RRP15: variants seen among roughly 807,000 people sequenced by gnomAD.
RRP15 encodes ribosomal RNA processing 15 homolog, also known as RRP15-like protein.
A neutral mutation model predicts 27.1 loss-of-function variants in RRP15; 18 were observed. That is an observed-to-expected ratio of 0.66 (90% CI 0.46 to 0.98). The LOEUF (loss-of-function observed/expected upper bound fraction) is 0.98. Ranked by LOEUF, RRP15 falls within the 50% of genes least tolerant of loss-of-function variation. The pLI is 0.00. For synonymous variants in RRP15, 107 were observed against 109.4 expected (o/e 0.98, Z 0.14); for missense variants, 359 against 337.8 (o/e 1.06, Z -0.49).
intron 1 of RRP15, among the ~76,000 whole-genome samples, chr1:218,295,312 C>CG (rs1467210337): frequency 2.0e-5 from 3 of 151,964 alleles, no homozygotes; most frequent in Non-Finnish European, 2.9e-5. Flanking sequence ...GGACAGGGTG[C>CG]GGGGGAAGCG....
chr1:218,316,842 T>C (rs941139696), intron 4 of RRP15, among the ~76,000 whole-genome samples: 19 of 152,242 alleles, frequency 1.2e-4, no homozygotes, highest in Non-Finnish European at 2.6e-4. Context: ...GGGGAACTCT[T>C]ACTACTTTTT....
chr1:218,298,982 C>T (rs1246315538), intron 1 of RRP15, among the ~76,000 whole-genome samples: 3 of 152,138 alleles, frequency 2.0e-5, no homozygotes, highest in Non-Finnish European at 4.4e-5. Flanking sequence ...TGGTGATTTC[C>T]GTCTATGCCC....
chr1:218,291,617 C>T (rs1484991978), intron 1 of RRP15, among the ~76,000 whole-genome samples: 2 of 149,246 alleles, frequency 1.3e-5, no homozygotes, highest in African/African-American at 2.5e-5. Flanking sequence ...CCACAACCTC[C>T]GCCTCCCAGG....
At chr1:218,327,602 C>T (rs1656294706) in intron 4 of RRP15, among the ~76,000 whole-genome samples, 1 of 152,164 alleles carries the variant, frequency 6.6e-6, no homozygotes, top group African/African-American at 2.4e-5. Flanking sequence ...CCACGCCTGG[C>T]CTTAAACAAG....
chr1:218,313,577 G>T (rs1656035760), intron 4 of RRP15, among the ~76,000 whole-genome samples: 1 of 152,178 alleles, frequency 6.6e-6, no homozygotes, highest in Admixed American at 6.5e-5. Flanking sequence ...TGACAGTAAA[G>T]ATCAGGTTAA....
At position 218,334,617 on chromosome 1, in the gene RRP15, AG is replaced by A. The variant is rs1296680364; in HGVS notation, c.*3527del. On this transcript the variant is annotated 3_prime_UTR_variant, in exon 5 of 5. Transcript: ENST00000366932. ...GTTTTTATTTGGAAACATTTTTTCC[AG>A]TTGACCAAAGCAGAATTCATTCTGT... The A allele has an allele frequency of 6.6e-6, 1 of 152,228 alleles. No homozygotes were observed. Among genetic ancestry groups the A allele is most frequent in the African/African-American group, 2.4e-5 (1 of 41,462 alleles). 9.4% of individuals were successfully genotyped at this position (152,228 alleles called of 1,614,324 possible). A position where few individuals can be genotyped will look rare whatever the true frequency, so the allele number is the denominator to read the frequency against.
chr1:218,297,560 A>G (rs186333299), intron 1 of RRP15, among the ~76,000 whole-genome samples: 1 of 152,302 alleles, frequency 6.6e-6, no homozygotes, highest in East Asian at 1.9e-4. Context: ...AGCCACTTAG[A>G]TTAGTGTGTG....
intron 4 of RRP15, among the ~76,000 whole-genome samples, chr1:218,316,443 G>A (rs1656091029): frequency 6.6e-6 from 1 of 152,030 alleles, no homozygotes; most frequent in Non-Finnish European, 1.5e-5. Context: ...CACCTATAAT[G>A]CATTTTTAAA....
intron 1 of RRP15, chr1:218,301,890 A>G (rs1358284197): frequency 1.3e-5 from 2 of 159,336 alleles, no homozygotes; most frequent in South Asian, 2.0e-4. Context: ...GTTTTCTGTT[A>G]TTTGTTTTAA....
At chr1:218,329,184 T>G (rs1656325296) in intron 4 of RRP15, among the ~76,000 whole-genome samples, 1 of 134,710 alleles carries the variant, frequency 7.4e-6, no homozygotes, top group Non-Finnish European at 1.5e-5. Context: ...GTGGATTGCT[T>G]GAGCCCAGGA....
chr1:218,321,322 T>C (rs1571807083), intron 4 of RRP15, among the ~76,000 whole-genome samples: 1 of 152,264 alleles, frequency 6.6e-6, no homozygotes, highest in Non-Finnish European at 1.5e-5. Context: ...TCATTTGATA[T>C]AAGCAGAAAG....
At chr1:218,320,368 T>A (rs1248034213) in intron 4 of RRP15, among the ~76,000 whole-genome samples, 6 of 152,280 alleles carry the variant, frequency 3.9e-5, no homozygotes, top group Admixed American at 2.6e-4. Flanking sequence ...GTTTCATCCA[T>A]GTCCCTACAA....
chr1:218,297,245 T>C (rs1655735220), intron 1 of RRP15, among the ~76,000 whole-genome samples: 1 of 152,146 alleles, frequency 6.6e-6, no homozygotes, highest in African/African-American at 2.4e-5. Flanking sequence ...ATGCTATAAC[T>C]CTCTAGTCAT....
intron 1 of RRP15, among the ~76,000 whole-genome samples, chr1:218,301,095 C>T (rs569761463): frequency 7.2e-5 from 11 of 152,260 alleles, no homozygotes; most frequent in African/African-American, 2.6e-4. Flanking sequence ...CAGCTAATGG[C>T]ATTTTCTGTA....
At chr1:218,304,650 A>C (rs1187836001) in intron 2 of RRP15, among the ~76,000 whole-genome samples, 1 of 152,254 alleles carries the variant, frequency 6.6e-6, no homozygotes, top group Admixed American at 6.5e-5. Context: ...GAAAGTAAAG[A>C]TAAACTTATA....
rs1656365671 is a variant in RRP15, at chr1:218,331,330, T to A, written c.*239T>A. ...ATTTGTAAAAGGATATATTTCTGCT[T>A]GACCAGCGAGATGTGCATTTTGCCA... On this transcript the variant is annotated 3_prime_UTR_variant, in exon 5 of 5. Coordinates refer to ENST00000366932, the MANE Select transcript of RRP15 (RefSeq NM_016052.4). 1.3e-5 allele frequency: 4 copies of A among 316,460 alleles called. No individual in the cohort carries two copies. Among genetic ancestry groups the A allele is most frequent in the Non-Finnish European group, 1.7e-5 (3 of 173,370 alleles). 19.6% of individuals were successfully genotyped at this position (316,460 alleles called of 1,614,324 possible).
intron 1 of RRP15, among the ~76,000 whole-genome samples, chr1:218,297,603 A>G (rs1655741107): frequency 6.6e-6 from 1 of 152,156 alleles, no homozygotes; most frequent in Non-Finnish European, 1.5e-5. Flanking sequence ...GCCTTACTTC[A>G]TTGTCCCTTA....
Position 218,302,345 on chromosome 1 carries a change from A to G in RRP15, c.191A>G (p.Glu64Gly), listed in dbSNP as rs1655824365. 2 of 1,614,094 alleles carry G rather than the reference A, an allele frequency of 1.2e-6. No homozygotes were observed. The highest frequency in any genetic ancestry group is 8.5e-7 in the Non-Finnish European group (1 of 1,180,002). Residue 64 changes from glutamate (E) to glycine (G), a missense_variant, in exon 2 of 5, where the codon GAA (glutamate) becomes GGA (glycine). Transcript: ENST00000366932. Reference protein sequence around the residue: ...DHFYSDDDAIEADSEGDAEPC... With the variant: ...DHFYSDDDAIGADSEGDAEPC... ...TTTTATTCTGATGATGACGCAATAG[A>G]AGCTGACAGTGAGGGTGATGCTGAG...
At chr1:218,323,240 C>G (rs1656216691) in intron 4 of RRP15, among the ~76,000 whole-genome samples, 2 of 152,220 alleles carry the variant, frequency 1.3e-5, no homozygotes, top group Non-Finnish European at 2.9e-5. Flanking sequence ...TTGTGTTACA[C>G]CTCTTTTAGC....
Sources: gnomAD v4.1 joint callset for allele counts (sites outside exome capture counted in the v4.1 genomes callset) on GRCh38, gnomAD v4.1.1 for gene constraint, MANE v1.5 for transcripts, NCBI Gene and HGNC (gene_info 2026-07-23, HGNC 2026-07-21) for gene names.